MTA3: variants seen among roughly 807,000 people sequenced by gnomAD.
The protein encoded by MTA3 is metastasis associated 1 family member 3.
In MTA3, 34 loss-of-function variants were observed where a neutral mutation model predicts 83.5. That is an observed-to-expected ratio of 0.41 (90% CI 0.31 to 0.54). MTA3 has a LOEUF of 0.54. MTA3 is among the 20% of genes least tolerant of loss of function. The pLI, the probability that MTA3 is intolerant of heterozygous loss-of-function variation, is 0.33. For synonymous variants in MTA3, 303 were observed against 252.7 expected (o/e 1.20, Z -1.89); for missense variants, 761 against 726.4 (o/e 1.05, Z -0.55).
rs145342999 is a variant in MTA3, at chr2:42,711,784, G to T, written c.1525+2688G>T. Among the ~76,000 whole-genome samples the T allele has an allele frequency of 4.3e-3, 135 of 31,036 alleles. 4 individuals carry two copies. The highest frequency in any genetic ancestry group is 0.045 in the Middle Eastern group (1 of 22). 20.4% of individuals were successfully genotyped at this position (31,036 alleles called of 152,430 possible). On this transcript the variant is annotated intron_variant, in intron 14 of 16. Transcript: ENST00000405094. ...TGGGAGTGTATAGGAGAGAGAGAGA[G>T]TGTGTGTGTGTGTGTGTGTGTGTGT...
At chr2:42,531,280 T>C (rs753818021) in intron 2 of MTA3, among the ~76,000 whole-genome samples, 4 of 152,132 alleles carry the variant, frequency 2.6e-5, no homozygotes, top group Non-Finnish European at 5.9e-5. Context: ...TGGTATATTG[T>C]TATTGCCAGA....
At chr2:42,620,659 G>A (rs546950417) in intron 4 of MTA3, among the ~76,000 whole-genome samples, 57 of 152,216 alleles carry the variant, frequency 3.7e-4, no homozygotes, top group African/African-American at 1.4e-3. Flanking sequence ...TGCCTGGCTA[G>A]TTTTTAAACT....
At chr2:42,590,513 C>T (rs934391723) in intron 3 of MTA3, among the ~76,000 whole-genome samples, 2 of 151,866 alleles carry the variant, frequency 1.3e-5, no homozygotes, top group African/African-American at 4.8e-5. Context: ...AATTGTGAGC[C>T]AAATAAACCT....
chr2:42,619,103 T>C (rs1464759321), intron 4 of MTA3, among the ~76,000 whole-genome samples: 12 of 152,146 alleles, frequency 7.9e-5, no homozygotes, highest in Non-Finnish European at 1.5e-5. Flanking sequence ...TGAGAAATAA[T>C]GATTGCAAAA....
chr2:42,574,637 C>T (rs1486619314), intron 2 of MTA3, among the ~76,000 whole-genome samples: 1 of 151,058 alleles, frequency 6.6e-6, no homozygotes, highest in African/African-American at 2.4e-5. Context: ...CAGGGTTTCA[C>T]CATGTTGGCC....
At chr2:42,646,623 A>G (rs1009645364) in intron 6 of MTA3, among the ~76,000 whole-genome samples, 1 of 152,194 alleles carries the variant, frequency 6.6e-6, no homozygotes, top group African/African-American at 2.4e-5. Flanking sequence ...CAAGAAAACT[A>G]CAGTGAGCGT....
chr2:42,606,554 G>C (rs1031657796), intron 3 of MTA3, among the ~76,000 whole-genome samples: 1 of 146,278 alleles, frequency 6.8e-6, no homozygotes, highest in African/African-American at 2.6e-5. Flanking sequence ...TCACTTCCTA[G>C]ATGGGATGGC....
intron 2 of MTA3, among the ~76,000 whole-genome samples, chr2:42,555,843 G>C (rs1225788411): frequency 6.6e-6 from 1 of 151,950 alleles, no homozygotes; most frequent in East Asian, 1.9e-4. Context: ...AGGCCAAGGA[G>C]GGTGGATCAC....
chr2:42,648,521 G>A lies in MTA3; in HGVS notation c.499+4277G>A, dbSNP rs569327056. Among the ~76,000 whole-genome samples, 194 of 152,318 alleles carry A rather than the reference G, an allele frequency of 1.3e-3. 1 individual carries two copies. The highest frequency in any genetic ancestry group is 4.5e-3 in the African/African-American group (188 of 41,584). ...CTTTGTGAACATGTCTTGATGGATAGGATACTGAGAGATTGTTGCAGCATT... is the reference window on the plus strand; with the variant it reads ...CTTTGTGAACATGTCTTGATGGATAAGATACTGAGAGATTGTTGCAGCATT... On this transcript the variant is annotated intron_variant, in intron 6 of 16. Transcript: ENST00000405094.
chr2:42,617,237 T>G (rs1286486302), intron 4 of MTA3, among the ~76,000 whole-genome samples: 1 of 152,158 alleles, frequency 6.6e-6, no homozygotes, highest in Admixed American at 6.5e-5. Context: ...ACCAGAAAGA[T>G]CAGTCAAATT....
chr2:42,628,396 A>C (rs1686337336), intron 4 of MTA3, among the ~76,000 whole-genome samples: 1 of 151,670 alleles, frequency 6.6e-6, no homozygotes, highest in African/African-American at 2.4e-5. Flanking sequence ...ATGCTTGACT[A>C]AATTTTTTGG....
chr2:42,499,044 TATA>T (rs1308604717), intron 2 of MTA3, among the ~76,000 whole-genome samples: 1 of 151,956 alleles, frequency 6.6e-6, no homozygotes, highest in Non-Finnish European at 1.5e-5. Flanking sequence ...TACAGGGAGG[TATA>T]AGTCAAAGGG....
At chr2:42,633,277 CAA>C (rs1200964468) in intron 4 of MTA3, among the ~76,000 whole-genome samples, 2 of 137,598 alleles carry the variant, frequency 1.5e-5, no homozygotes, top group Non-Finnish European at 3.2e-5. Flanking sequence ...AAGTCTGTCT[CAA>C]AAAAAAAAAA....
At chr2:42,573,181 A>C (rs1439374638) in intron 2 of MTA3, among the ~76,000 whole-genome samples, 1 of 152,158 alleles carries the variant, frequency 6.6e-6, no homozygotes, top group African/African-American at 2.4e-5. Flanking sequence ...ATAGTGTTAA[A>C]ATCTTTGAGT....
chr2:42,673,462 G>A (rs750640371), intron 8 of MTA3, among the ~76,000 whole-genome samples: 17 of 152,256 alleles, frequency 1.1e-4, no homozygotes, highest in African/African-American at 4.1e-4. Flanking sequence ...CCTATGATGA[G>A]TTTTTTGGGA....
chr2:42,566,055 A>G (rs1219993579), upstream of MTA3, among the ~76,000 whole-genome samples: 1 of 152,150 alleles, frequency 6.6e-6, no homozygotes, highest in African/African-American at 2.4e-5. Context: ...GTAGGTATCA[A>G]CCAGTAGTCA....
chr2:42,635,717 G>A (rs778175439), intron 4 of MTA3, among the ~76,000 whole-genome samples: 8 of 152,104 alleles, frequency 5.3e-5, no homozygotes, highest in Middle Eastern at 3.4e-3. Context: ...CAATAATACT[G>A]TTTGTTGAAC....
rs1301653077 is a variant in MTA3 at position 42,553,735 on chromosome 2, CA to C, written c.-140-16690del. Among the ~76,000 whole-genome samples the C allele has an allele frequency of 3.2e-3, 437 of 135,122 alleles. 1 individual carries two copies. The highest frequency in any genetic ancestry group is 7.5e-3 in the African/African-American group (278 of 37,088). 88.6% of individuals were successfully genotyped at this position (135,122 alleles called of 152,430 possible). A position where few individuals can be genotyped will look rare whatever the true frequency, so the allele number is the denominator to read the frequency against. ...GGGCAACAAGAGCGAAACTCCATCT[CA>C]AAAAAAAAAAAGATTGACTCTAATT... On this transcript the variant is annotated intron_variant, in intron 2 of 17. Coordinates refer to the MTA3 transcript ENST00000405592.
At chr2:42,543,976 C>T (rs1404616231) in intron 2 of MTA3, among the ~76,000 whole-genome samples, 2 of 151,936 alleles carry the variant, frequency 1.3e-5, no homozygotes, top group East Asian at 1.9e-4. Context: ...AAGGTGACAC[C>T]ATTTTAAAAT....
Sources: allele counts gnomAD v4.1 joint callset (sites outside exome capture counted in the v4.1 genomes callset), GRCh38; gene constraint gnomAD v4.1.1; transcripts MANE v1.5; gene names NCBI Gene and HGNC (gene_info 2026-07-23, HGNC 2026-07-21).